The following ST18 variants were observed in gnomAD, a reference collection of about 807,000 sequenced individuals.
ST18 encodes suppression of tumorigenicity 18 protein.
In ST18, 50 loss-of-function variants were observed where a neutral mutation model predicts 110.0. That is an observed-to-expected ratio of 0.45 (90% CI 0.36 to 0.58). The LOEUF is 0.58. Ranked by LOEUF, ST18 falls within the 20% of genes least tolerant of loss-of-function variation. ST18 has a pLI of 0.00. For missense variants in ST18, 1,306 were observed against 1,280.1 expected (o/e 1.02, Z -0.31); for synonymous variants, 461 against 452.4 (o/e 1.02, Z -0.24).
At chr8:52,238,489 T>C (rs562556888) in intron 2 of ST18, among the ~76,000 whole-genome samples, 3 of 152,262 alleles carry the variant, frequency 2.0e-5, no homozygotes, top group Admixed American at 2.0e-4. Flanking sequence ...CCACCACTGG[T>C]ATCTACCCAA....
chr8:52,170,041 T>G (rs932130652), intron 10 of ST18, among the ~76,000 whole-genome samples: 2 of 152,214 alleles, frequency 1.3e-5, no homozygotes, highest in African/African-American at 4.8e-5. Context: ...AATAATTAAG[T>G]TTCTGTAAAT....
At chr8:52,257,383 A>C (rs775350359) in intron 2 of ST18, among the ~76,000 whole-genome samples, 31 of 152,196 alleles carry the variant, frequency 2.0e-4, no homozygotes, top group Non-Finnish European at 2.5e-4. Context: ...GTGCCTGCAC[A>C]ATATACCTTT....
At chr8:52,236,273 G>T (rs1180643424) in intron 2 of ST18, among the ~76,000 whole-genome samples, 1 of 152,100 alleles carries the variant, frequency 6.6e-6, no homozygotes, top group African/African-American at 2.4e-5. Context: ...CCAACTTAAG[G>T]TGAGCAAACT....
Position 52,268,468 on chromosome 8 carries a change from C to CATCTATCTATCT in ST18, c.-464-38403_-464-38392dup, listed in dbSNP as rs55683613. Among the ~76,000 whole-genome samples, 589 of 148,712 alleles carry CATCTATCTATCT rather than the reference C, an allele frequency of 4.0e-3. 1 individual carries two copies. The highest frequency in any genetic ancestry group is 7.2e-3 in the East Asian group (36 of 4,986). Reference sequence around the variant, plus strand: ...ATCTATCTATCGTCTATCTATCTATCATCTATCTATCTATCTATCTATCTA... The same window carrying CATCTATCTATCT: ...ATCTATCTATCGTCTATCTATCTATCATCTATCTATCTATCTATCTATCTATCTATCTATCTA... On this transcript the variant is annotated intron_variant, in intron 2 of 25. Transcript: ENST00000689386.
At chr8:52,207,010 T>A (rs1332569308) in intron 8 of ST18, among the ~76,000 whole-genome samples, 2 of 152,194 alleles carry the variant, frequency 1.3e-5, no homozygotes, top group South Asian at 4.1e-4. Context: ...CTTTATGTAA[T>A]AAGTTCCAAT....
chr8:52,240,628 G>T (rs1349345640), intron 2 of ST18, among the ~76,000 whole-genome samples: 1 of 152,008 alleles, frequency 6.6e-6, no homozygotes, highest in African/African-American at 2.4e-5. Context: ...TTTCTCCTCA[G>T]CATAGAAACA....
intron 2 of ST18, among the ~76,000 whole-genome samples, chr8:52,331,087 C>A (rs1462886363): frequency 6.6e-6 from 1 of 152,108 alleles, no homozygotes; most frequent in East Asian, 1.9e-4. Context: ...CTGCTTCCTG[C>A]AATTAACTGA....
chr8:52,260,030 T>C (rs919466520), intron 2 of ST18, among the ~76,000 whole-genome samples: 2 of 152,238 alleles, frequency 1.3e-5, no homozygotes, highest in Non-Finnish European at 2.9e-5. Flanking sequence ...TTTCTTCAAA[T>C]TGATGTCATC....
chr8:52,360,835 C>T (rs116230701), intron 2 of ST18, among the ~76,000 whole-genome samples: 446 of 152,194 alleles, frequency 2.9e-3, no homozygotes, highest in African/African-American at 0.01. Flanking sequence ...CTTCTCCCTC[C>T]GAACAAGCAA....
At chr8:52,234,197 G>A (rs1016130187) in intron 2 of ST18, among the ~76,000 whole-genome samples, 1 of 152,134 alleles carries the variant, frequency 6.6e-6, no homozygotes, top group African/African-American at 2.4e-5. Context: ...ATTTATACCA[G>A]GTGCTTTCAA....
At chr8:52,144,363 TA>T (rs2056446291) in intron 16 of ST18, among the ~76,000 whole-genome samples, 1 of 152,104 alleles carries the variant, frequency 6.6e-6, no homozygotes, top group Admixed American at 6.5e-5. Flanking sequence ...ATAAAAATAC[TA>T]TAGCAAAATA....
At chr8:52,301,753 G>A (rs367772941) in intron 2 of ST18, 1 of 152,166 alleles carries the variant, frequency 6.6e-6, no homozygotes, top group East Asian at 1.9e-4. Flanking sequence ...ATTATGATCT[G>A]CTTGTAAAAA....
chr8:52,135,452 T>C (rs754810998), intron 19 of ST18, among the ~76,000 whole-genome samples: 1 of 150,802 alleles, frequency 6.6e-6, no homozygotes, highest in Non-Finnish European at 1.5e-5. Context: ...TCCCAGCTAC[T>C]CAGGAGGCTG....
chr8:52,300,801 C>A, intron 2 of ST18, among the ~76,000 whole-genome samples: 1 of 152,180 alleles, frequency 6.6e-6, no homozygotes, highest in East Asian at 1.9e-4. Context: ...GCCCACAGAG[C>A]CTAATATTTA....
intron 8 of ST18, among the ~76,000 whole-genome samples, chr8:52,193,807 T>A (rs2075335114): frequency 6.6e-6 from 1 of 152,216 alleles, no homozygotes; most frequent in African/African-American, 2.4e-5. Context: ...ATCCCTGAAC[T>A]TCATGAGCCA....
intron 2 of ST18, among the ~76,000 whole-genome samples, chr8:52,392,109 C>T (rs1839489756): frequency 1.3e-5 from 2 of 152,188 alleles, no homozygotes; most frequent in Non-Finnish European, 2.9e-5. Flanking sequence ...TCAATCAACA[C>T]ATTTATGTGC....
chr8:52,254,342 A>T (rs766042708), intron 2 of ST18: 6 of 152,162 alleles, frequency 3.9e-5, no homozygotes, highest in Admixed American at 3.3e-4. Flanking sequence ...AGTTCCCATG[A>T]TATGACATCC....
intron 11 of ST18, among the ~76,000 whole-genome samples, chr8:52,165,486 C>A (rs768379806): frequency 2.6e-5 from 4 of 152,188 alleles, no homozygotes; most frequent in Admixed American, 6.5e-5. Flanking sequence ...TTATAGTTAA[C>A]GTAAACTGAA....
At chr8:52,318,551 T>C (rs1170189838) in intron 2 of ST18, among the ~76,000 whole-genome samples, 2 of 152,184 alleles carry the variant, frequency 1.3e-5, no homozygotes, top group East Asian at 3.8e-4. Context: ...ACTGTGTATA[T>C]ACCCAAATGA....
Sources: allele counts gnomAD v4.1 joint callset (sites outside exome capture counted in the v4.1 genomes callset), GRCh38; gene constraint gnomAD v4.1.1; transcripts MANE v1.5; gene names NCBI Gene and HGNC (gene_info 2026-07-23, HGNC 2026-07-21).